COL26A1: variants seen among roughly 807,000 people sequenced by gnomAD.
The protein encoded by COL26A1 is collagen alpha-1(XXVI) chain.
Under a neutral mutation model 59.3 loss-of-function variants are expected in COL26A1, and 41 were observed. The ratio of observed to expected loss-of-function variants is 0.69; its 90% CI spans 0.54 to 0.90. The LOEUF is 0.90. COL26A1 is among the 40% of genes least tolerant of loss of function. The pLI is 0.00. For missense variants in COL26A1, 612 were observed against 602.3 expected, an observed-to-expected ratio of 1.02 and a Z score of -0.17; for synonymous variants, 266 against 256.0, an observed-to-expected ratio of 1.04 and a Z score of -0.37.
intron 1 of COL26A1, among the ~76,000 whole-genome samples, chr7:101,413,536 TGAAAG>T (rs981669836): frequency 3.4e-5 from 5 of 145,174 alleles, no homozygotes; most frequent in African/African-American, 7.6e-5. Flanking sequence ...AGAAAGGAAA[TGAAAG>T]GAAAGGAAAG....
At chr7:101,409,196 C>A (rs1383435815) in intron 1 of COL26A1, among the ~76,000 whole-genome samples, 3 of 152,194 alleles carry the variant, frequency 2.0e-5, no homozygotes, top group Non-Finnish European at 4.4e-5. Flanking sequence ...ACTCAACTCT[C>A]ATCTCACTGG....
At chr7:101,535,957 G>A (rs1240429263) in intron 4 of COL26A1, among the ~76,000 whole-genome samples, 4 of 152,088 alleles carry the variant, frequency 2.6e-5, no homozygotes, top group East Asian at 1.9e-4. Context: ...TAGCTCCCCC[G>A]TCTTGTCTGG....
intron 8 of COL26A1, among the ~76,000 whole-genome samples, chr7:101,547,721 A>G (rs949851814): frequency 4.7e-5 from 7 of 148,618 alleles, no homozygotes; most frequent in Admixed American, 3.9e-4. Flanking sequence ...TCATTCATTC[A>G]TTTGTTTATT....
chr7:101,545,426 A>T lies in COL26A1; in HGVS notation c.792A>T (p.Pro264=). 1 of 1,608,148 alleles carries T rather than the reference A, an allele frequency of 6.2e-7. No homozygotes were observed. The highest frequency in any genetic ancestry group is 8.5e-7 in the Non-Finnish European group (1 of 1,177,936). ...PPGPPGPAGN[P]GPSPNSPQGA... ...GACCACCCGGCCCAGCAGGCAACCC[A>T]GGCCCCTCACCAAACAGCCCCCAGG... Residue 264 remains proline (P), a synonymous_variant, in exon 7 of 13, where the codon CCA becomes CCT. Transcript: ENST00000313669.
chr7:101,402,439 C>A (rs1482087682), intron 1 of COL26A1, among the ~76,000 whole-genome samples: 1 of 151,986 alleles, frequency 6.6e-6, no homozygotes, highest in Non-Finnish European at 1.5e-5. Context: ...TCCCCTTTCC[C>A]CTTCTCTGGG....
At chr7:101,368,272 G>T (rs1203284470) in intron 1 of COL26A1, among the ~76,000 whole-genome samples, 1 of 152,178 alleles carries the variant, frequency 6.6e-6, no homozygotes, top group Admixed American at 6.5e-5. Context: ...GATGCTTGAG[G>T]TGTTGGTGAT....
intron 1 of COL26A1, among the ~76,000 whole-genome samples, chr7:101,387,757 TATATATATATATATATA>T (rs1259021251): frequency 2.0e-5 from 1 of 49,570 alleles, no homozygotes; most frequent in African/African-American, 6.6e-5. Flanking sequence ...TATATATTTA[TATATATATATATATATA>T]TATATTTTTT....
chr7:101,532,063 G>A (rs1166184645), intron 3 of COL26A1, among the ~76,000 whole-genome samples: 1 of 152,108 alleles, frequency 6.6e-6, no homozygotes. Flanking sequence ...GGCATCCCCT[G>A]ACTTCTAGAG....
intron 1 of COL26A1, among the ~76,000 whole-genome samples, chr7:101,415,271 G>A (rs375693192): frequency 6.6e-5 from 10 of 151,608 alleles, no homozygotes; most frequent in African/African-American, 2.4e-4. Context: ...TTCTGCCACA[G>A]CCTCCCCAGT....
chr7:101,400,178 G>A, intron 1 of COL26A1, among the ~76,000 whole-genome samples: 1 of 151,968 alleles, frequency 6.6e-6, no homozygotes, highest in African/African-American at 2.4e-5. Context: ...AGGGGAGTAG[G>A]CATTCTAGAC....
At chr7:101,472,714 G>A (rs1478472306) in intron 3 of COL26A1, among the ~76,000 whole-genome samples, 4 of 152,254 alleles carry the variant, frequency 2.6e-5, no homozygotes, top group South Asian at 2.1e-4. Context: ...CCATCAAATC[G>A]CATTTACGAA....
intron 1 of COL26A1, among the ~76,000 whole-genome samples, chr7:101,363,847 T>G (rs983789980): frequency 3.9e-4 from 59 of 152,178 alleles, no homozygotes; most frequent in Non-Finnish European, 6.5e-4. Flanking sequence ...TGCGGCTTTG[T>G]GTCGCGGAGC....
At chr7:101,429,885 A>G (rs1792740828) in intron 2 of COL26A1, among the ~76,000 whole-genome samples, 1 of 152,126 alleles carries the variant, frequency 6.6e-6, no homozygotes. Flanking sequence ...GGAGTAAGTC[A>G]CCATGCTTGG....
chr7:101,420,727 C>CAGCCCCTCCCTCTCACT lies in COL26A1; in HGVS notation c.281+634_281+635insTCCCTCTCACTAGCCCC, dbSNP rs1792497549. ...CCCCTCACCAGCCCCTCCCTCTCACCAGCCCCGCCCATAGTCAGCCCTTCC... is the reference window on the plus strand; with the variant it reads ...CCCCTCACCAGCCCCTCCCTCTCACCAGCCCCTCCCTCTCACTAGCCCCGCCCATAGTCAGCCCTTCC... On this transcript the variant is annotated intron_variant, in intron 2 of 12. Transcript: ENST00000313669. Among the ~76,000 whole-genome samples the CAGCCCCTCCCTCTCACT allele has an allele frequency of 2.1e-5, 3 of 144,270 alleles. No homozygotes were observed. The South Asian group carries it at 6.6e-4, about 32-fold the overall frequency. The allele number at this position is 144,270 out of a possible 152,430, so 94.6% of individuals were successfully genotyped here. A position where few individuals can be genotyped will look rare whatever the true frequency, so the allele number is the denominator to read the frequency against.
rs769520292 is a variant in COL26A1 at position 101,549,158 on chromosome 7, ACT to A, written c.941-10_941-9del. 1.9e-6 allele frequency: 3 copies of A among 1,560,416 alleles called. No homozygotes were observed. Among genetic ancestry groups the A allele is most frequent in the South Asian group, 1.2e-5 (1 of 85,332 alleles). On this transcript the variant is annotated splice_polypyrimidine_tract_variant and intron_variant, in intron 8 of 12. Coordinates refer to ENST00000313669, the MANE Select transcript of COL26A1 (RefSeq NM_001278563.3). ...CTCTGGCCCCAGGTGACCATCTGTG[ACT>A]CTGCCCACAGGTCCCCCTGGGCCTC...
intron 3 of COL26A1, among the ~76,000 whole-genome samples, chr7:101,510,041 T>TTTTTTTTTTTTTTTA (rs1563019347): frequency 6.7e-6 from 1 of 150,042 alleles, no homozygotes; most frequent in African/African-American, 2.5e-5. Context: ...TTTTTTTTTT[T>TTTTTTTTTTTTTTTA]AAGAGGGTCT....
intron 9 of COL26A1, among the ~76,000 whole-genome samples, chr7:101,549,677 C>T (rs1276228690): frequency 6.6e-6 from 1 of 152,188 alleles, no homozygotes; most frequent in Non-Finnish European, 1.5e-5. Flanking sequence ...CCACTGCGCC[C>T]AGCCGAGATT....
At chr7:101,544,778 C>T (rs1795695529) in intron 6 of COL26A1, among the ~76,000 whole-genome samples, 1 of 152,154 alleles carries the variant, frequency 6.6e-6, no homozygotes, top group African/African-American at 2.4e-5. Context: ...GGTGACCTGC[C>T]TGCCTTGGCC....
chr7:101,502,196 T>C (rs972511638), intron 3 of COL26A1, among the ~76,000 whole-genome samples: 3 of 152,050 alleles, frequency 2.0e-5, no homozygotes, highest in Non-Finnish European at 4.4e-5. Flanking sequence ...ACAAAAATTA[T>C]CTGAGCATGG....
Sources: allele counts gnomAD v4.1 joint callset (sites outside exome capture counted in the v4.1 genomes callset), GRCh38; gene constraint gnomAD v4.1.1; transcripts MANE v1.5; gene names NCBI Gene and HGNC (gene_info 2026-07-23, HGNC 2026-07-21).